The following VPS37D variants were observed in gnomAD, a reference collection of about 807,000 sequenced individuals.
VPS37D encodes vacuolar protein sorting-associated protein 37D.
A neutral mutation model predicts 22.0 loss-of-function variants in VPS37D; 5 were observed. The observed-to-expected ratio is 0.23, with a 90% CI of 0.12 to 0.48. The LOEUF (loss-of-function observed/expected upper bound fraction) is 0.48. Among genes scored for constraint, VPS37D ranks in the 20% least tolerant of loss-of-function variants. VPS37D has a pLI of 0.99. For missense variants in VPS37D, 384 were observed against 345.8 expected, an observed-to-expected ratio of 1.11 and a Z score of -0.88; for synonymous variants, 174 against 159.3, an observed-to-expected ratio of 1.09 and a Z score of -0.69.
upstream of VPS37D, among the ~76,000 whole-genome samples, chr7:73,666,579 C>T (rs891668331): frequency 6.6e-6 from 1 of 152,044 alleles, no homozygotes; most frequent in Non-Finnish European, 1.5e-5. Flanking sequence ...CAGGCGCCCA[C>T]CACCACGCCC....
In VPS37D at chr7:73,669,414, C is replaced by T. The variant is rs373208280; in HGVS notation, c.139-5C>T. The T allele has an allele frequency of 3.1e-4, 477 of 1,544,486 alleles. 4 individuals are homozygous for T. In the East Asian group the frequency reaches 0.01, roughly 33 times the overall value. On this transcript the variant is annotated splice_polypyrimidine_tract_variant and splice_region_variant and intron_variant, in intron 1 of 3. Coordinates refer to ENST00000324941, the MANE Select transcript of VPS37D (RefSeq NM_001077621.2). ...GCGGGCCTCTTAGCTCCTCTCTGCC[C>T]GCAGTTCCAGGGCCTGCAGCTGGAG...
At chr7:73,669,373 A>C in intron 1 of VPS37D, 46 bp from the exon 2 acceptor site, 1 of 1,503,206 alleles carries the variant, frequency 6.7e-7, no homozygotes, top group South Asian at 1.3e-5. Context: ...TAGGGTGGAC[A>C]GGGCAGATCC....
At position 73,672,022 on chromosome 7, in the gene VPS37D, AG is replaced by A. The variant is rs1797530817; in HGVS notation, c.*647del. 2 of 152,352 alleles carry A rather than the reference AG, an allele frequency of 1.3e-5. No homozygotes were observed. The highest frequency in any genetic ancestry group is 2.9e-5 in the Non-Finnish European group (2 of 68,178). The allele number at this position is 152,352 out of a possible 1,614,324, so 9.4% of individuals were successfully genotyped here. A position where few individuals can be genotyped will look rare whatever the true frequency, so the allele number is the denominator to read the frequency against. On this transcript the variant is annotated 3_prime_UTR_variant, in exon 4 of 4. Coordinates refer to ENST00000324941, the MANE Select transcript of VPS37D (RefSeq NM_001077621.2). ...TCTGTCCCTGTCTCCTTAGAATGGA[AG>A]CTTTTTGAGGGCAGGTCCTTGTCTT...
rs1434788165 is a variant in VPS37D, at chr7:73,671,651, C to T, written c.*275C>T. The stretch of plus-strand genomic sequence containing the variant: ...GGGCCTCTAGGGTGATGGACCAGCC[C>T]CGTTAAAGAACTTGACTCAACTACA... On this transcript the variant is annotated 3_prime_UTR_variant, in exon 4 of 4. Transcript: ENST00000324941. The T allele has an allele frequency of 5.5e-6, 1 of 183,382 alleles. No individual in the cohort carries two copies. Among genetic ancestry groups the T allele is most frequent in the Non-Finnish European group, 1.1e-5 (1 of 88,852 alleles). The allele number at this position is 183,382 out of a possible 1,614,324, so 11.4% of individuals were successfully genotyped here.
At chr7:73,665,726 T>G (rs1260433620), upstream of VPS37D, among the ~76,000 whole-genome samples, 1 of 152,166 alleles carries the variant, frequency 6.6e-6, no homozygotes, top group Non-Finnish European at 1.5e-5. Context: ...TTCATCATTT[T>G]CTCCTTCAAC....
At position 73,671,380 on chromosome 7, in the gene VPS37D, C is replaced by T; in HGVS notation, c.*4C>T. On this transcript the variant is annotated 3_prime_UTR_variant, in exon 4 of 4. Transcript: ENST00000324941. Reference sequence around the variant, plus strand: ...GCCAGAGCCCCCCCACCGGTAGGATCCACGGTGCGGCCCCCCAGTTGGGGG... The same window carrying T: ...GCCAGAGCCCCCCCACCGGTAGGATTCACGGTGCGGCCCCCCAGTTGGGGG... 2.2e-6 allele frequency: 3 copies of T among 1,372,608 alleles called. No homozygotes were observed. The highest frequency in any genetic ancestry group is 2.8e-6 in the Non-Finnish European group (3 of 1,065,388). 85.0% of individuals were successfully genotyped at this position (1,372,608 alleles called of 1,614,324 possible).
chr7:73,665,982 C>G (rs1797364725), upstream of VPS37D, among the ~76,000 whole-genome samples: 1 of 152,164 alleles, frequency 6.6e-6, no homozygotes, highest in Admixed American at 6.6e-5. Context: ...TCCTGAGCAG[C>G]TGGGGCTACA....
chr7:73,669,986 C>A lies in VPS37D; in HGVS notation c.311-34C>A, dbSNP rs185557423. Reference sequence around the variant, plus strand: ...GGAGAGTGCAAGCCCGGGGCCCTGGCCTGTCTGTCACTCTGTCCCTCTGTG... The same window carrying A: ...GGAGAGTGCAAGCCCGGGGCCCTGGACTGTCTGTCACTCTGTCCCTCTGTG... On this transcript the variant is annotated intron_variant, in intron 2 of 3. Transcript: ENST00000324941. 9.4e-3 allele frequency: 14,533 copies of A among 1,551,462 alleles called. 107 individuals are homozygous for A. The highest frequency in any genetic ancestry group is 0.01 in the Non-Finnish European group (11,796 of 1,146,924).
At position 73,668,025 on chromosome 7, in the gene VPS37D, A is replaced by G. The variant is rs1554608987; in HGVS notation, c.67A>G (p.Ser23Gly). 3 of 1,149,444 alleles carry G rather than the reference A, an allele frequency of 2.6e-6. No individual in the cohort carries two copies. Among genetic ancestry groups the G allele is most frequent in the South Asian group, 3.2e-5 (1 of 31,252 alleles). 71.2% of individuals were successfully genotyped at this position (1,149,444 alleles called of 1,614,324 possible). A position where few individuals can be genotyped will look rare whatever the true frequency, so the allele number is the denominator to read the frequency against. ...CAGCCCGGGGCGCTTTGGGATCCTC[A>G]GCACCGGGCAGCTCCGGGACCTGCT... ...PGSPGRFGIL[S>G]TGQLRDLLQD... The change falls in exon 1 of 4, where the codon AGC becomes GGC. Residue 23 changes from serine to glycine, a missense_variant. Ser to Gly is a moderately conservative substitution (Grantham distance 56). Coordinates refer to ENST00000324941, the MANE Select transcript of VPS37D (RefSeq NM_001077621.2).
chr7:73,671,233 C>G lies in VPS37D; in HGVS notation c.613C>G (p.Arg205Gly), dbSNP rs532291209. Reference sequence around the variant, plus strand: ...AGCTGTCCTGCCCACTGGGGCCGCCCGGGGGCCACCAGCAGTGCCCCGGAG... The same window carrying G: ...AGCTGTCCTGCCCACTGGGGCCGCCGGGGGGCCACCAGCAGTGCCCCGGAG... ...AAAVLPTGAA[R>G]GPPAVPRSLP... Residue 205 changes from arginine to glycine, a missense_variant, in exon 4 of 4, where the codon CGG becomes GGG. Transcript: ENST00000324941. 89 of 1,551,106 alleles carry G rather than the reference C, an allele frequency of 5.7e-5. No homozygotes were observed. Among genetic ancestry groups the G allele is most frequent in the Non-Finnish European group, 7.6e-5 (88 of 1,150,780 alleles).
upstream of VPS37D, among the ~76,000 whole-genome samples, chr7:73,667,521 C>A (rs1206641250): frequency 6.6e-6 from 1 of 152,178 alleles, no homozygotes; most frequent in Non-Finnish European, 1.5e-5. Flanking sequence ...CCTCGGCGCC[C>A]GGCCAAAGTC....
chr7:73,666,775 C>T (rs1263623102), upstream of VPS37D, among the ~76,000 whole-genome samples: 2 of 151,916 alleles, frequency 1.3e-5, no homozygotes, highest in East Asian at 1.9e-4. Context: ...CATTGCTAGC[C>T]ATATCACTAT....
upstream of VPS37D, among the ~76,000 whole-genome samples, chr7:73,667,432 G>A (rs898291059): frequency 2.0e-5 from 3 of 152,128 alleles, no homozygotes; most frequent in Non-Finnish European, 4.4e-5. Context: ...CGCCCGGCCA[G>A]CAAGTCAGCG....
chr7:73,668,230 C>A, intron 1 of VPS37D, 134 bp downstream of exon 1: 2 of 437,096 alleles, frequency 4.6e-6, no homozygotes, highest in Non-Finnish European at 6.3e-6. Context: ...TACGAGTGGG[C>A]CCCGCGGAGC....
chr7:73,671,398 G>A lies in VPS37D; in HGVS notation c.*22G>A, dbSNP rs1350770932. The A allele has an allele frequency of 8.9e-6, 12 of 1,343,258 alleles. No homozygotes were observed. Among genetic ancestry groups the A allele is most frequent in the Non-Finnish European group, 1.1e-5 (12 of 1,045,108 alleles). The allele number at this position is 1,343,258 out of a possible 1,614,324, so 83.2% of individuals were successfully genotyped here. A position where few individuals can be genotyped will look rare whatever the true frequency, so the allele number is the denominator to read the frequency against. On this transcript the variant is annotated 3_prime_UTR_variant, in exon 4 of 4. Transcript: ENST00000324941. ...GTAGGATCCACGGTGCGGCCCCCCA[G>A]TTGGGGGGCCTAGACAAACTTGATG...
At chr7:73,670,865 G>T in intron 3 of VPS37D, 149 bp from the exon 4 acceptor site, 1 of 1,145,434 alleles carries the variant, frequency 8.7e-7, no homozygotes, top group Non-Finnish European at 1.2e-6. Flanking sequence ...GCAAGTAATC[G>T]GAGGCAGGCC....
chr7:73,670,898 G>C, intron 3 of VPS37D, 116 bp from the exon 4 acceptor site: 2 of 1,430,130 alleles, frequency 1.4e-6, no homozygotes, highest in Non-Finnish European at 9.3e-7. Context: ...CAGGTCCCCT[G>C]TCCCCCAGCT....
At chr7:73,667,017 G>T (rs1554608778), upstream of VPS37D, among the ~76,000 whole-genome samples, 1 of 137,720 alleles carries the variant, frequency 7.3e-6, no homozygotes, top group Admixed American at 8.0e-5. Context: ...CTGTCACCCA[G>T]CCTGGAGTGC....
Position 73,670,924 on chromosome 7 carries a change from T to G in VPS37D, c.394-90T>G, listed in dbSNP as rs1307090060. On this transcript the variant is annotated intron_variant, in intron 3 of 3. Transcript: ENST00000324941. The stretch of plus-strand genomic sequence containing the variant: ...TCCCCCAGCTGAGGGGTGATCACCA[T>G]GGGGAGGGCCTCAGGGTGGGAAGGA... 3.9e-6 allele frequency: 6 copies of G among 1,519,340 alleles called. No homozygotes were observed. In the African/African-American group the frequency reaches 6.9e-5, roughly 18 times the overall value. 94.1% of individuals were successfully genotyped at this position (1,519,340 alleles called of 1,614,324 possible). A position where few individuals can be genotyped will look rare whatever the true frequency, so the allele number is the denominator to read the frequency against.
Sources: allele counts gnomAD v4.1 joint callset (sites outside exome capture counted in the v4.1 genomes callset), GRCh38; gene constraint gnomAD v4.1.1; transcripts MANE v1.5; gene names NCBI Gene and HGNC (gene_info 2026-07-23, HGNC 2026-07-21).